Variants in NBEA observed in about 807,000 individuals in gnomAD.
NBEA encodes neurobeachin.
Under a neutral mutation model 343.4 loss-of-function variants are expected in NBEA, and 44 were observed. The ratio of observed to expected loss-of-function variants is 0.13; its 90% CI spans 0.10 to 0.16. The LOEUF is 0.16. Ranked by LOEUF, NBEA falls within the 10% of genes least tolerant of loss-of-function variation. NBEA has a pLI of 1.00. For synonymous variants in NBEA, 1,175 were observed against 1,238.7 expected, an observed-to-expected ratio of 0.95 and a Z score of 1.08; for missense variants, 2,555 against 3,631.3, an observed-to-expected ratio of 0.70 and a Z score of 7.62.
chr13:35,257,876 T>G (rs1258016285), intron 34 of NBEA, among the ~76,000 whole-genome samples: 1 of 152,154 alleles, frequency 6.6e-6, no homozygotes, highest in African/African-American at 2.4e-5. Context: ...TTTTTCTTAC[T>G]TGAGTGAACA....
intron 30 of NBEA, among the ~76,000 whole-genome samples, chr13:35,189,795 T>A (rs1199246298): frequency 6.6e-6 from 1 of 152,072 alleles, no homozygotes; most frequent in Non-Finnish European, 1.5e-5. Flanking sequence ...ATAAGAACAC[T>A]GGCAAAAACT....
chr13:35,063,287 G>C (rs1047999979), intron 8 of NBEA, among the ~76,000 whole-genome samples: 1 of 151,970 alleles, frequency 6.6e-6, no homozygotes, highest in African/African-American at 2.4e-5. Flanking sequence ...TGGAGAAGTA[G>C]GGTGTGCAGT....
At chr13:35,167,682 A>G in intron 24 of NBEA, among the ~76,000 whole-genome samples, 1 of 151,894 alleles carries the variant, frequency 6.6e-6, no homozygotes, top group Non-Finnish European at 1.5e-5. Context: ...TTGCTTTGGG[A>G]AAGCAGCATT....
At chr13:35,403,698 A>G (rs2043110730) in intron 38 of NBEA, among the ~76,000 whole-genome samples, 1 of 152,052 alleles carries the variant, frequency 6.6e-6, no homozygotes, top group Non-Finnish European at 1.5e-5. Flanking sequence ...GGCATGGGCA[A>G]GGACTTCATG....
chr13:35,303,340 T>C (rs1351375046), intron 35 of NBEA, among the ~76,000 whole-genome samples: 4 of 152,186 alleles, frequency 2.6e-5, no homozygotes, highest in African/African-American at 7.2e-5. Context: ...AGGTGGATTG[T>C]ATGTTAATCA....
At chr13:35,441,738 A>G (rs543891679) in intron 39 of NBEA, among the ~76,000 whole-genome samples, 24 of 152,068 alleles carry the variant, frequency 1.6e-4, no homozygotes, top group African/African-American at 5.1e-4. Flanking sequence ...TGCATATGCT[A>G]TCTGCAAGAT....
chr13:35,235,160 AGTT>A (rs2075165952), intron 34 of NBEA, among the ~76,000 whole-genome samples: 1 of 152,174 alleles, frequency 6.6e-6, no homozygotes. Context: ...CTAGGTTATC[AGTT>A]GGTCCTTCTT....
intron 40 of NBEA, among the ~76,000 whole-genome samples, chr13:35,465,394 T>C (rs2075347591): frequency 6.6e-6 from 1 of 152,150 alleles, no homozygotes; most frequent in African/African-American, 2.4e-5. Context: ...TAATATATTT[T>C]AAGTGCCATA....
chr13:35,206,600 T>A (rs1279197742), intron 31 of NBEA, among the ~76,000 whole-genome samples: 3 of 151,988 alleles, frequency 2.0e-5, no homozygotes, highest in African/African-American at 7.3e-5. Context: ...TTTATGTAGA[T>A]CATTATAAGT....
chr13:35,551,602 T>C (rs979523224), intron 43 of NBEA, among the ~76,000 whole-genome samples: 4 of 152,188 alleles, frequency 2.6e-5, no homozygotes, highest in African/African-American at 9.7e-5. Context: ...ATTGCTGATA[T>C]CAGTTTGTCG....
intron 48 of NBEA, among the ~76,000 whole-genome samples, chr13:35,616,324 G>A (rs2082737887): frequency 6.6e-6 from 1 of 152,138 alleles, no homozygotes; most frequent in Non-Finnish European, 1.5e-5. Flanking sequence ...TGTTTCTACT[G>A]CAATATATAT....
rs1380328475 is a variant in NBEA, at chr13:35,043,419, C to T, written c.527-1528C>T. 2.6e-5 allele frequency among the ~76,000 whole-genome samples: 4 copies of T among 151,810 alleles called. No individual in the cohort carries two copies. The East Asian group carries it at 7.7e-4, about 29-fold the overall frequency. On this transcript the variant is annotated intron_variant, in intron 2 of 58. Transcript: ENST00000379939. ...TTTATGTAAACCTTTAAGAAATCTTCTGTAAAGGTTGCCATTGCAGCTAAT... is the reference window on the plus strand; with the variant it reads ...TTTATGTAAACCTTTAAGAAATCTTTTGTAAAGGTTGCCATTGCAGCTAAT...
Position 35,196,103 on chromosome 13 carries a change from A to G in NBEA, c.5167A>G (p.Ser1723Gly), listed in dbSNP as rs370596435. Reference protein sequence around the residue: ...KSQESLTENPSETLKPATSIS... With the variant: ...KSQESLTENPGETLKPATSIS... ...ACAAGAGAGCTTAACTGAAAATCCT[A>G]GTGAAACGTTGAAGCCTGCAACATC... The change falls in exon 31 of 59, where the codon AGT (serine) becomes GGT (glycine). Residue 1723 changes from serine to glycine, a missense_variant. Coordinates refer to ENST00000379939, the MANE Select transcript of NBEA (RefSeq NM_001385012.1). 3 of 1,613,534 alleles carry G rather than the reference A, an allele frequency of 1.9e-6. No homozygotes were observed. Among genetic ancestry groups the G allele is most frequent in the South Asian group, 1.1e-5 (1 of 91,088 alleles).
intron 38 of NBEA, among the ~76,000 whole-genome samples, chr13:35,367,897 ACATG>A (rs1387813786): frequency 6.6e-6 from 1 of 151,542 alleles, no homozygotes; most frequent in African/African-American, 2.4e-5. Flanking sequence ...CAGTAAGTTA[ACATG>A]CATACGAAGT....
rs73488138 is a variant in NBEA at position 34,948,879 on chromosome 13, A to T, written c.294+5765A>T. Among the ~76,000 whole-genome samples the T allele has an allele frequency of 6.4e-3, 968 of 152,258 alleles. 11 individuals are homozygous for T. The highest frequency in any genetic ancestry group is 0.022 in the African/African-American group (927 of 41,536). ...GTCCAAGTTAGCATGCTTGAAAGCAAAGCAGAAAGAAAATGTAGCCTTTCC... is the reference window on the plus strand; with the variant it reads ...GTCCAAGTTAGCATGCTTGAAAGCATAGCAGAAAGAAAATGTAGCCTTTCC... On this transcript the variant is annotated intron_variant, in intron 1 of 58. Coordinates refer to ENST00000379939, the MANE Select transcript of NBEA (RefSeq NM_001385012.1).
intron 51 of NBEA, among the ~76,000 whole-genome samples, chr13:35,647,692 G>A (rs183417242): frequency 4.5e-4 from 68 of 152,046 alleles, no homozygotes; most frequent in Admixed American, 9.8e-4. Context: ...TTAGCCTCCC[G>A]AGTAGCCGGG....
intron 45 of NBEA, among the ~76,000 whole-genome samples, chr13:35,583,537 G>A (rs896687803): frequency 6.6e-6 from 1 of 152,016 alleles, no homozygotes; most frequent in African/African-American, 2.4e-5. Flanking sequence ...CCCTCCATTG[G>A]GTTTCCTGTA....
At chr13:35,188,244 G>A (rs1390794399) in intron 30 of NBEA, among the ~76,000 whole-genome samples, 1 of 148,586 alleles carries the variant, frequency 6.7e-6, no homozygotes, top group Non-Finnish European at 1.5e-5. Context: ...ATCACCTCAC[G>A]TATCATTTTT....
intron 41 of NBEA, among the ~76,000 whole-genome samples, chr13:35,535,028 C>G (rs971185898): frequency 3.9e-5 from 6 of 152,088 alleles, no homozygotes; most frequent in African/African-American, 1.4e-4. Context: ...GCAGAAGAAA[C>G]TTTTTGGTTA....
Sources: allele counts gnomAD v4.1 joint callset (sites outside exome capture counted in the v4.1 genomes callset), GRCh38; gene constraint gnomAD v4.1.1; transcripts MANE v1.5; gene names NCBI Gene and HGNC (gene_info 2026-07-23, HGNC 2026-07-21).